Variants in EXOC6B observed in about 807,000 individuals in gnomAD.
The protein encoded by EXOC6B is exocyst complex component 6B.
In EXOC6B, 54 loss-of-function variants were observed where a neutral mutation model predicts 113.5. The ratio of observed to expected loss-of-function variants is 0.48; its 90% CI spans 0.38 to 0.60. The LOEUF (loss-of-function observed/expected upper bound fraction) is 0.60, where lower values mean the gene tolerates loss of function less well. EXOC6B is among the 20% of genes least tolerant of loss of function. The pLI is 0.00. For missense variants in EXOC6B, 797 were observed against 977.5 expected (o/e 0.82, Z 2.46); for synonymous variants, 357 against 339.0 (o/e 1.05, Z -0.58).
intron 20 of EXOC6B, among the ~76,000 whole-genome samples, chr2:72,290,837 G>T (rs1305311010): frequency 1.3e-5 from 2 of 151,942 alleles, no homozygotes; most frequent in African/African-American, 4.8e-5. Flanking sequence ...CAAAAATTAT[G>T]TTTTCTCTTA....
At chr2:72,209,223 C>CAA (rs1170760516) in intron 20 of EXOC6B, among the ~76,000 whole-genome samples, 298 of 56,450 alleles carry the variant, frequency 5.3e-3, no homozygotes, top group East Asian at 0.011. Context: ...AACTCAGTCT[C>CAA]AAAAAAAAAA....
chr2:72,179,240 G>T lies in EXOC6B; in HGVS notation c.*95C>A. 7.4e-7 allele frequency: 1 copy of T among 1,356,930 alleles called. No homozygotes were observed. The highest frequency in any genetic ancestry group is 9.9e-7 in the Non-Finnish European group (1 of 1,012,370). 84.1% of individuals were successfully genotyped at this position (1,356,930 alleles called of 1,614,324 possible). On this transcript the variant is annotated 3_prime_UTR_variant, in exon 22 of 22. Coordinates refer to ENST00000272427, the MANE Select transcript of EXOC6B (RefSeq NM_015189.3). ...ATAAAAAAATACATATGCTCTCTTT[G>T]AAGAAGAATGCACAAATGCAGGGTC...
At chr2:72,402,752 A>G (rs1341096482) in intron 18 of EXOC6B, among the ~76,000 whole-genome samples, 1 of 151,982 alleles carries the variant, frequency 6.6e-6, no homozygotes, top group Non-Finnish European at 1.5e-5. Flanking sequence ...TAAGGCAGTA[A>G]CTCTGGAACT....
intron 16 of EXOC6B, among the ~76,000 whole-genome samples, chr2:72,483,764 G>A (rs942513738): frequency 1.3e-5 from 2 of 152,156 alleles, no homozygotes; most frequent in East Asian, 1.9e-4. Context: ...GAGGCTTTGG[G>A]CATAATTTCA....
At chr2:72,423,748 C>T (rs1469801057) in intron 18 of EXOC6B, among the ~76,000 whole-genome samples, 6 of 152,108 alleles carry the variant, frequency 3.9e-5, no homozygotes, top group Admixed American at 3.3e-4. Context: ...CATACATACA[C>T]GTGCACACAT....
In EXOC6B at chr2:72,496,523, T is replaced by C. The variant is rs754067186; in HGVS notation, c.1374A>G (p.Pro458=). 3.1e-6 allele frequency: 5 copies of C among 1,598,720 alleles called. No homozygotes were observed. Among genetic ancestry groups the C allele is most frequent in the East Asian group, 4.5e-5 (2 of 44,742 alleles). ...ILDSDNYSPI[P]VTSEEMYKKV... is the part of the protein sequence containing the mutation. ...TTTTGTACATCTCTTCACTTGTTAC[T>C]GGTATAGGACTGTAGTTGTCAGAAT... The change falls in exon 14 of 22, where the codon CCA becomes CCG. Residue 458 remains proline (P), a synonymous_variant. Transcript: ENST00000272427.
At chr2:72,547,727 G>A (rs1702988009) in intron 8 of EXOC6B, among the ~76,000 whole-genome samples, 1 of 152,144 alleles carries the variant, frequency 6.6e-6, no homozygotes. Flanking sequence ...TTGAGGATTA[G>A]GGCCGACTGA....
At chr2:72,495,211 G>T (rs529064226) in intron 15 of EXOC6B, among the ~76,000 whole-genome samples, 1 of 152,094 alleles carries the variant, frequency 6.6e-6, no homozygotes, top group African/African-American at 2.4e-5. Flanking sequence ...AATCTATAAA[G>T]AATAAGATAG....
chr2:72,713,111 T>G (rs2104697230), intron 6 of EXOC6B, among the ~76,000 whole-genome samples: 1 of 152,346 alleles, frequency 6.6e-6, no homozygotes, highest in Middle Eastern at 3.4e-3. Flanking sequence ...TAGAACCCTT[T>G]AGTGATGTTT....
At chr2:72,583,277 CA>C (rs1191391968) in intron 6 of EXOC6B, among the ~76,000 whole-genome samples, 2 of 152,268 alleles carry the variant, frequency 1.3e-5, no homozygotes, top group Non-Finnish European at 2.9e-5. Flanking sequence ...ACCTGGGAAA[CA>C]TATTTCAGGG....
intron 1 of EXOC6B, among the ~76,000 whole-genome samples, chr2:72,755,383 T>C (rs1291472342): frequency 6.6e-6 from 1 of 152,160 alleles, no homozygotes; most frequent in African/African-American, 2.4e-5. Flanking sequence ...TTTACATGTC[T>C]ATCTCCCCTA....
rs1165888281 is a variant in EXOC6B at position 72,344,452 on chromosome 2, C to CT, written c.2123-9433dup. 5.1e-3 allele frequency among the ~76,000 whole-genome samples: 745 copies of CT among 145,560 alleles called. 24 individuals carry two copies. The East Asian group carries it at 0.098, about 19-fold the overall frequency. ...TCCAGGAGCAGTTTCTGTTGATTTA[C>CT]TTTTTTTTTTTGCTTGCATGGGCAA... On this transcript the variant is annotated intron_variant, in intron 19 of 21. Coordinates refer to ENST00000272427, the MANE Select transcript of EXOC6B (RefSeq NM_015189.3).
chr2:72,492,309 C>T lies in EXOC6B; in HGVS notation c.1665+9G>A, dbSNP rs541864195. 2.6e-6 allele frequency: 4 copies of T among 1,563,672 alleles called. No homozygotes were observed. The highest frequency in any genetic ancestry group is 4.5e-5 in the East Asian group (2 of 44,580). On this transcript the variant is annotated intron_variant, in intron 16 of 21. Coordinates refer to ENST00000272427, the MANE Select transcript of EXOC6B (RefSeq NM_015189.3). The stretch of plus-strand genomic sequence containing the variant: ...CTGGCTCGGCTGCCTTCATTAGGAG[C>T]AGGTTTACCTCAGTAAGCCCAATAT...
intron 18 of EXOC6B, among the ~76,000 whole-genome samples, chr2:72,388,050 C>A (rs1371455123): frequency 1.3e-5 from 2 of 152,082 alleles, no homozygotes; most frequent in Admixed American, 1.3e-4. Context: ...TTGGTTGTCA[C>A]AACTGGCAGG....
Position 72,243,475 on chromosome 2 carries a change from G to C in EXOC6B, c.2197-59288C>G, listed in dbSNP as rs150578029. 1.6e-4 allele frequency among the ~76,000 whole-genome samples: 25 copies of C among 152,170 alleles called. 1 individual carries two copies. The East Asian group carries it at 3.9e-3, about 24-fold the overall frequency. ...GGATGAAGCTGGAAACCATCATTCT[G>C]AGCAAACTATCGCAAGGACAGAAAA... On this transcript the variant is annotated intron_variant, in intron 20 of 21. Coordinates refer to ENST00000272427, the MANE Select transcript of EXOC6B (RefSeq NM_015189.3).
chr2:72,772,574 C>T (rs1302217824), intron 1 of EXOC6B, among the ~76,000 whole-genome samples: 1 of 152,162 alleles, frequency 6.6e-6, no homozygotes, highest in Non-Finnish European at 1.5e-5. Flanking sequence ...CCCAGTAGAT[C>T]CTTTTACCAG....
intron 6 of EXOC6B, among the ~76,000 whole-genome samples, chr2:72,576,252 C>T (rs1241807463): frequency 6.6e-6 from 1 of 152,002 alleles, no homozygotes; most frequent in South Asian, 2.1e-4. Context: ...CAATAGGATT[C>T]CATGACTGTG....
intron 6 of EXOC6B, among the ~76,000 whole-genome samples, chr2:72,600,126 C>T (rs985169683): frequency 6.6e-6 from 1 of 152,026 alleles, no homozygotes; most frequent in Non-Finnish European, 1.5e-5. Context: ...AGGACAGTGT[C>T]CAACTTTAAG....
At chr2:72,633,780 G>A (rs1188494080) in intron 6 of EXOC6B, among the ~76,000 whole-genome samples, 1 of 152,060 alleles carries the variant, frequency 6.6e-6, no homozygotes, top group Non-Finnish European at 1.5e-5. Flanking sequence ...ATAAAACAGG[G>A]TCTGTCCCAT....
Sources: gnomAD v4.1 joint callset for allele counts (sites outside exome capture counted in the v4.1 genomes callset) on GRCh38, gnomAD v4.1.1 for gene constraint, MANE v1.5 for transcripts, NCBI Gene and HGNC (gene_info 2026-07-23, HGNC 2026-07-21) for gene names.